Variants in DVL1 observed in about 807,000 individuals in gnomAD.
DVL1 encodes the protein segment polarity protein dishevelled homolog DVL-1.
In DVL1, 49 loss-of-function variants were observed where a neutral mutation model predicts 65.0. The ratio of observed to expected loss-of-function variants is 0.75; its 90% CI spans 0.60 to 0.96. The LOEUF (loss-of-function observed/expected upper bound fraction) is 0.96, where lower values mean the gene tolerates loss of function less well. Among genes scored for constraint, DVL1 ranks in the 40% least tolerant of loss-of-function variants. The pLI, the probability that DVL1 is intolerant of heterozygous loss-of-function variation, is 0.00. For synonymous variants in DVL1, 608 were observed against 433.9 expected (o/e 1.40, Z -4.99); for missense variants, 1,197 against 1,045.4 (o/e 1.15, Z -2.00).
At chr1:1,338,218 G>A (rs778353686) in intron 13 of DVL1, 35 bp from the exon 14 acceptor site, 5 of 1,593,860 alleles carry the variant, frequency 3.1e-6, no homozygotes, top group East Asian at 2.2e-5. Context: ...CCGCGGAGGG[G>A]CCTCCGGCGT....
intron 11 of DVL1, 109 bp from the exon 12 acceptor site, chr1:1,338,762 C>A: frequency 6.8e-7 from 1 of 1,467,772 alleles, no homozygotes; most frequent in South Asian, 1.4e-5. Context: ...AGGGCGCAAG[C>A]TGGACGGTGC....
intron 1 of DVL1, among the ~76,000 whole-genome samples, chr1:1,345,619 C>T (rs1267614332): frequency 6.6e-6 from 1 of 152,184 alleles, no homozygotes; most frequent in Non-Finnish European, 1.5e-5. Context: ...GCTGCCCCCA[C>T]AGACCCGCCC....
intron 7 of DVL1, 23 bp from the exon 8 acceptor site, chr1:1,340,200 C>T (rs910349918): frequency 6.8e-6 from 11 of 1,613,694 alleles, no homozygotes; most frequent in Admixed American, 3.3e-5. Flanking sequence ...CCATGAGCCG[C>T]GGCCAAGCCC....
intron 1 of DVL1, among the ~76,000 whole-genome samples, chr1:1,348,474 G>A (rs116297005): frequency 0.013 from 1,989 of 152,294 alleles, 54 homozygotes; most frequent in African/African-American, 0.045. Context: ...GCAAACCCTA[G>A]CAGACAGGTT....
At chr1:1,348,018 C>T (rs1391016058) in intron 1 of DVL1, among the ~76,000 whole-genome samples, 1 of 152,210 alleles carries the variant, frequency 6.6e-6, no homozygotes, top group East Asian at 1.9e-4. Context: ...AAGAAGCGGC[C>T]ACACACAAGG....
Position 1,342,706 on chromosome 1 carries a change from C to T in DVL1, c.223G>A (p.Gly75Ser), listed in dbSNP as rs779559545. Residue 75 changes from glycine to serine, a missense_variant, in exon 2 of 15, where the codon GGC (glycine) becomes AGC (serine). Gly to Ser is a moderately conservative substitution (Grantham distance 56, BLOSUM62 0). Coordinates refer to ENST00000378888, the MANE Select transcript of DVL1 (RefSeq NM_001330311.2). ...DDNAKLPCFN[G>S]RVVSWLVLAE... is the part of the protein sequence containing the mutation. ...GGGCTCACCCAGGAGACCACGCGGCCGTTGAAGCAGGGAAGCTTGGCATTG... is the reference window on the plus strand; with the variant it reads ...GGGCTCACCCAGGAGACCACGCGGCTGTTGAAGCAGGGAAGCTTGGCATTG... The T allele has an allele frequency of 2.2e-5, 36 of 1,613,096 alleles. No individual in the cohort carries two copies. Among genetic ancestry groups the T allele is most frequent in the South Asian group, 9.9e-5 (9 of 91,090 alleles).
At chr1:1,341,475 G>A (rs899858884) in intron 5 of DVL1, among the ~76,000 whole-genome samples, 192 bp downstream of exon 5, 2 of 151,606 alleles carry the variant, frequency 1.3e-5, no homozygotes, top group Non-Finnish European at 2.9e-5. Context: ...CACGTGCACA[G>A]TGAAAACACC....
intron 5 of DVL1, 48 bp from the exon 6 acceptor site, chr1:1,340,551 G>A (rs1030072508): frequency 5.8e-6 from 9 of 1,553,492 alleles, no homozygotes; most frequent in Non-Finnish European, 6.1e-6. Context: ...CATGGGTAGG[G>A]GGGTGGGAAC....
intron 1 of DVL1, among the ~76,000 whole-genome samples, chr1:1,344,967 ACACT>A (rs913550511): frequency 2.0e-5 from 3 of 151,714 alleles, no homozygotes; most frequent in Non-Finnish European, 2.9e-5. Flanking sequence ...CCTGAGGGAG[ACACT>A]CAGTCACCCA....
In DVL1 at chr1:1,340,137, G is replaced by A. The variant is rs1294467892; in HGVS notation, c.810C>T (p.Ser270=). 2 of 1,613,624 alleles carry A rather than the reference G, an allele frequency of 1.2e-6. No homozygotes were observed. The highest frequency in any genetic ancestry group is 1.7e-5 in the Admixed American group (1 of 60,010). The change falls in exon 8 of 15, where the codon AGC becomes AGT. Residue 270 remains serine (S), a synonymous_variant. Transcript: ENST00000378888. ...AGATGCCGCCGTCTCCACGGTCGTT[G>A]CTCTGCCCCACGATGCTGATGCCCA... ...HFLGISIVGQ[S]NDRGDGGIYI...
At chr1:1,345,089 C>T (rs778156065) in intron 1 of DVL1, among the ~76,000 whole-genome samples, 39 of 152,262 alleles carry the variant, frequency 2.6e-4, no homozygotes, top group Middle Eastern at 6.8e-3. Context: ...CTGGCTCCAC[C>T]GGAAGAGGGC....
In DVL1 at chr1:1,336,283, C is replaced by G. The variant is rs892749539; in HGVS notation, c.1947G>C (p.Lys649Asn). 2 of 1,564,494 alleles carry G rather than the reference C, an allele frequency of 1.3e-6. No individual in the cohort carries two copies. Among genetic ancestry groups the G allele is most frequent in the Non-Finnish European group, 8.6e-7 (1 of 1,161,400 alleles). The change falls in exon 15 of 15, where the codon AAG (lysine) becomes AAC (asparagine). Residue 649 changes from lysine to asparagine, a missense_variant. Transcript: ENST00000378888. Reference protein sequence around the residue: ...PGLPPPHPTTKAYTVVGGPPG... With the variant: ...PGLPPPHPTTNAYTVVGGPPG... ...GTGGCCCCCCCACCACTGTATAGGC[C>G]TTGGTCGTGGGGTGGGGCGGGGGGA...
chr1:1,337,520 C>T (rs1378484309), intron 14 of DVL1, among the ~76,000 whole-genome samples: 1 of 152,204 alleles, frequency 6.6e-6, no homozygotes, highest in Non-Finnish European at 1.5e-5. Flanking sequence ...TGTCAGACTC[C>T]TTGGCCACCC....
chr1:1,348,798 G>C (rs1643965715), intron 1 of DVL1, 98 bp downstream of exon 1: 1 of 1,086,150 alleles, frequency 9.2e-7, no homozygotes, highest in Admixed American at 4.8e-5. Context: ...CAGGTCCCCG[G>C]GGGCGCGAAC....
In DVL1 at chr1:1,340,400, G is replaced by A. The variant is rs758840205; in HGVS notation, c.699+10C>T. ...TCCCCAGCCCCGCCCTGCTCCACCC[G>A]GCTGCCTACCCGGTCCGCCTGCCGA... On this transcript the variant is annotated intron_variant, in intron 6 of 14. Transcript: ENST00000378888. The A allele has an allele frequency of 2.6e-5, 42 of 1,611,418 alleles. No individual in the cohort carries two copies. Among genetic ancestry groups the A allele is most frequent in the South Asian group, 2.3e-4 (21 of 90,878 alleles).
intron 5 of DVL1, among the ~76,000 whole-genome samples, chr1:1,341,153 A>G (rs1367514146): frequency 7.0e-6 from 1 of 142,132 alleles, no homozygotes; most frequent in Non-Finnish European, 1.5e-5. Flanking sequence ...ACACCTTCAC[A>G]TACACCTGTA....
rs776421964 is a variant in DVL1, at chr1:1,342,470, C to T, written c.255G>A (p.Glu85=). Residue 85 remains glutamate (E), a synonymous_variant, in exon 3 of 15, where the codon GAG becomes GAA. Transcript: ENST00000378888. ...GRVVSWLVLA[E]GAHSDAGSQG... ...GGGACCCCGCATCCGAGTGAGCACC[C>T]TCAGCCAGGACCAGCTGTGGAGGGA... 1.2e-6 allele frequency: 2 copies of T among 1,610,272 alleles called. No individual in the cohort carries two copies. The highest frequency in any genetic ancestry group is 8.5e-7 in the Non-Finnish European group (1 of 1,179,330).
chr1:1,341,775 T>C lies in DVL1; in HGVS notation c.497A>G (p.Asp166Gly), dbSNP rs764329343. ...AARTNGHPRG[D>G]RRRDVGLPPD... ...GGGCAGCCCCACATCCCGCCGTCGG[T>C]CTCCCCTTGGGTGCCCATTGGTCCG... Residue 166 changes from aspartate to glycine, a missense_variant, in exon 5 of 15, where the codon GAC (aspartate) becomes GGC (glycine). Coordinates refer to ENST00000378888, the MANE Select transcript of DVL1 (RefSeq NM_001330311.2). The C allele has an allele frequency of 6.2e-7, 1 of 1,602,024 alleles. No individual in the cohort carries two copies. Among genetic ancestry groups the C allele is most frequent in the Non-Finnish European group, 8.5e-7 (1 of 1,173,932 alleles).
chr1:1,341,880 C>T (rs1334307809), intron 4 of DVL1, 75 bp from the exon 5 acceptor site: 2 of 1,490,400 alleles, frequency 1.3e-6, no homozygotes, highest in African/African-American at 2.8e-5. Context: ...CTGGGCAGTG[C>T]TGCATGCCTG....
Sources: allele counts gnomAD v4.1 joint callset (sites outside exome capture counted in the v4.1 genomes callset), GRCh38; gene constraint gnomAD v4.1.1; transcripts MANE v1.5; gene names NCBI Gene and HGNC (gene_info 2026-07-23, HGNC 2026-07-21).